The following SIPA1L1 variants were observed in gnomAD, a reference collection of about 807,000 sequenced individuals.
SIPA1L1 encodes signal-induced proliferation-associated 1-like protein 1.
A neutral mutation model predicts 162.7 loss-of-function variants in SIPA1L1; 26 were observed. The ratio of observed to expected loss-of-function variants is 0.16; its 90% CI spans 0.12 to 0.22. The LOEUF (loss-of-function observed/expected upper bound fraction) is 0.22, where lower values mean the gene tolerates loss of function less well. Ranked by LOEUF, SIPA1L1 falls within the 10% of genes least tolerant of loss-of-function variation. The pLI, the probability that SIPA1L1 is intolerant of heterozygous loss-of-function variation, is 1.00. For missense variants in SIPA1L1, 1,874 were observed against 2,241.0 expected, an observed-to-expected ratio of 0.84 and a Z score of 3.31; for synonymous variants, 829 against 837.4, an observed-to-expected ratio of 0.99 and a Z score of 0.17.
intron 14 of SIPA1L1, among the ~76,000 whole-genome samples, chr14:71,701,865 T>C (rs756162045): frequency 1.2e-4 from 19 of 152,218 alleles, no homozygotes; most frequent in Non-Finnish European, 2.1e-4. Context: ...ATCTAAATGA[T>C]AGTAATCTTT....
At chr14:71,521,237 G>A (rs1007466498) in intron 3 of SIPA1L1, among the ~76,000 whole-genome samples, 5 of 152,158 alleles carry the variant, frequency 3.3e-5, no homozygotes, top group East Asian at 1.9e-4. Flanking sequence ...AGAAGCATAC[G>A]AATTTATTAA....
intron 10 of SIPA1L1, among the ~76,000 whole-genome samples, chr14:71,666,249 CAG>C (rs1356764148): frequency 6.6e-6 from 1 of 152,140 alleles, no homozygotes; most frequent in African/African-American, 2.4e-5. Context: ...ATACAAAAGA[CAG>C]AGGAACATGT....
In SIPA1L1 at chr14:71,325,546, C is replaced by A. The variant is rs138324392; in HGVS notation, c.-465+4365C>A. ...TTAATGGTAGGTAATGTTCACCAGT[C>A]AACAACCATTTTCTCCTTTTATTCT... On this transcript the variant is annotated intron_variant, in intron 2 of 23. Coordinates refer to ENST00000381232, the MANE Select transcript of SIPA1L1 (RefSeq NM_001386936.1). Among the ~76,000 whole-genome samples, 567 of 152,296 alleles carry A rather than the reference C, an allele frequency of 3.7e-3. 4 individuals are homozygous for A. The highest frequency in any genetic ancestry group is 0.013 in the African/African-American group (544 of 41,550).
intron 8 of SIPA1L1, among the ~76,000 whole-genome samples, chr14:71,651,756 G>A (rs941450607): frequency 6.6e-6 from 1 of 152,132 alleles, no homozygotes; most frequent in Non-Finnish European, 1.5e-5. Context: ...TGATAAGATT[G>A]TGTGTTATCT....
intron 5 of SIPA1L1, among the ~76,000 whole-genome samples, chr14:71,616,631 G>C (rs1412965201): frequency 6.6e-6 from 1 of 152,160 alleles, no homozygotes; most frequent in East Asian, 1.9e-4. Flanking sequence ...CTAGAGTGTG[G>C]ATGCTGGTGA....
In SIPA1L1 at chr14:71,723,579, C is replaced by T. The variant is rs561291597; in HGVS notation, c.4209-68C>T. The T allele has an allele frequency of 5.3e-5, 84 of 1,584,112 alleles. 1 individual carries two copies. Among genetic ancestry groups the T allele is most frequent in the African/African-American group, 6.7e-5 (5 of 74,526 alleles). ...TTCAACCCAGCCATCACCCGTACCCCGGACAGCACTTTTATAGCTGACATA... is the reference window on the plus strand; with the variant it reads ...TTCAACCCAGCCATCACCCGTACCCTGGACAGCACTTTTATAGCTGACATA... On this transcript the variant is annotated intron_variant, in intron 17 of 23. Coordinates refer to ENST00000381232, the MANE Select transcript of SIPA1L1 (RefSeq NM_001386936.1).
chr14:71,340,788 A>C (rs192850534), intron 2 of SIPA1L1, among the ~76,000 whole-genome samples: 1 of 152,166 alleles, frequency 6.6e-6, no homozygotes, highest in African/African-American at 2.4e-5. Context: ...AAATACAAAA[A>C]ATTAGCCAGG....
chr14:71,624,134 A>G lies in SIPA1L1; in HGVS notation c.1716A>G (p.Glu572=). The part of the protein sequence containing the change: ...HSTARGLPLK[E]VLEHVVPELN... The stretch of plus-strand genomic sequence containing the variant: ...CAGCCAGAGGCCTGCCTCTCAAAGA[A>G]GTGCTGGAGCACGTGGTTCCTGAGC... Residue 572 remains glutamate, a synonymous_variant, in exon 7 of 24, where the codon GAA becomes GAG. Transcript: ENST00000381232. The G allele has an allele frequency of 6.2e-7, 1 of 1,614,196 alleles. No individual in the cohort carries two copies. The highest frequency in any genetic ancestry group is 8.5e-7 in the Non-Finnish European group (1 of 1,180,024).
At chr14:71,604,528 A>G (rs1360040970) in intron 5 of SIPA1L1, among the ~76,000 whole-genome samples, 3 of 151,854 alleles carry the variant, frequency 2.0e-5, no homozygotes. Context: ...CAGGGCTAGG[A>G]CTCACTTAAG....
chr14:71,615,749 G>A (rs1463035749), intron 5 of SIPA1L1, among the ~76,000 whole-genome samples: 1 of 152,208 alleles, frequency 6.6e-6, no homozygotes, highest in East Asian at 1.9e-4. Flanking sequence ...GCTCAGGCCT[G>A]TAATCCCAGC....
chr14:71,473,288 T>C (rs1015744435), intron 2 of SIPA1L1, among the ~76,000 whole-genome samples: 2 of 152,192 alleles, frequency 1.3e-5, no homozygotes, highest in African/African-American at 4.8e-5. Context: ...AATTATAACA[T>C]AATATATAAC....
At position 71,330,659 on chromosome 14, in the gene SIPA1L1, G is replaced by C. The variant is rs1326206389; in HGVS notation, c.-465+9478G>C. The C allele has an allele frequency of 7.9e-6, 7 of 880,996 alleles. No individual in the cohort carries two copies. In the East Asian group the frequency reaches 1.7e-4, roughly 21 times the overall value. The allele number at this position is 880,996 out of a possible 1,614,324, so 54.6% of individuals were successfully genotyped here. ...TGGGTCAACTCATTGTTGTAGTCTG[G>C]GTGGGGTACCCTCTCATGAGGAGGA... On this transcript the variant is annotated intron_variant, in intron 2 of 23. Transcript: ENST00000381232.
intron 2 of SIPA1L1, among the ~76,000 whole-genome samples, chr14:71,465,596 A>G (rs1444594307): frequency 2.0e-5 from 3 of 152,346 alleles, no homozygotes; most frequent in South Asian, 2.1e-4. Flanking sequence ...TATTAGAAGT[A>G]GAGTCCTTAG....
At chr14:71,393,610 C>A (rs1350527518) in intron 2 of SIPA1L1, among the ~76,000 whole-genome samples, 1 of 152,130 alleles carries the variant, frequency 6.6e-6, no homozygotes, top group East Asian at 1.9e-4. Flanking sequence ...ACGTTCAAGA[C>A]CAGCTTGGGC....
chr14:71,446,894 G>GTTT lies in SIPA1L1; in HGVS notation c.-464-65840_-464-65838dup, dbSNP rs765106790. Among the ~76,000 whole-genome samples the GTTT allele has an allele frequency of 2.5e-3, 218 of 87,372 alleles. 15 individuals are homozygous for GTTT. Among genetic ancestry groups the GTTT allele is most frequent in the East Asian group, 3.7e-3 (9 of 2,448 alleles). The allele number at this position is 87,372 out of a possible 152,430, so 57.3% of individuals were successfully genotyped here. Reference sequence around the variant, plus strand: ...CTGCAAATAAAGAGAGATGGGCTCTGTTTTTTTTTTTGTTTTTTTTTTTTT... The same window carrying GTTT: ...CTGCAAATAAAGAGAGATGGGCTCTGTTTTTTTTTTTTTTGTTTTTTTTTTTTT... On this transcript the variant is annotated intron_variant, in intron 2 of 23. Transcript: ENST00000381232.
chr14:71,361,874 T>C (rs919884860), intron 2 of SIPA1L1, among the ~76,000 whole-genome samples: 4 of 152,238 alleles, frequency 2.6e-5, no homozygotes, highest in Non-Finnish European at 5.9e-5. Context: ...TGTTTTACCA[T>C]GCTAGTATCA....
In SIPA1L1 at chr14:71,518,031, C is replaced by G. The variant is rs534198924; in HGVS notation, c.-362+5186C>G. Reference sequence around the variant, plus strand: ...GGACACAGTGGCTCACACCTGTAATCCTTCCACTTTGGGAGGCTGAGGCGG... The same window carrying G: ...GGACACAGTGGCTCACACCTGTAATGCTTCCACTTTGGGAGGCTGAGGCGG... On this transcript the variant is annotated intron_variant, in intron 3 of 23. Coordinates refer to ENST00000381232, the MANE Select transcript of SIPA1L1 (RefSeq NM_001386936.1). 2.1e-3 allele frequency among the ~76,000 whole-genome samples: 324 copies of G among 152,258 alleles called. 1 individual carries two copies. The highest frequency in any genetic ancestry group is 3.0e-3 in the Non-Finnish European group (202 of 68,018).
intron 2 of SIPA1L1, among the ~76,000 whole-genome samples, chr14:71,508,262 A>C (rs557192116): frequency 6.6e-6 from 1 of 152,316 alleles, no homozygotes; most frequent in African/African-American, 2.4e-5. Context: ...CTCATGGACA[A>C]AGTTCTATAT....
At chr14:71,663,070 A>C (rs774412675) in intron 10 of SIPA1L1, among the ~76,000 whole-genome samples, 2 of 152,230 alleles carry the variant, frequency 1.3e-5, no homozygotes, top group East Asian at 3.8e-4. Flanking sequence ...AGTACCGTCC[A>C]ATGGGACTAT....
Sources: gnomAD v4.1 joint callset for allele counts (sites outside exome capture counted in the v4.1 genomes callset) on GRCh38, gnomAD v4.1.1 for gene constraint, MANE v1.5 for transcripts, NCBI Gene and HGNC (gene_info 2026-07-23, HGNC 2026-07-21) for gene names.